Variants in ARHGEF38 observed in about 807,000 individuals in gnomAD.
ARHGEF38 encodes the protein Rho guanine nucleotide exchange factor (GEF) 38.
ARHGEF38 carries 79 observed loss-of-function variants against 79.9 expected under a neutral mutation model. That is an observed-to-expected ratio of 0.99 (90% CI 0.82 to 1.19). The LOEUF (loss-of-function observed/expected upper bound fraction) is 1.19. ARHGEF38 is among the 50% of genes most tolerant of loss of function. ARHGEF38 has a pLI of 0.00. For synonymous variants in ARHGEF38, 366 were observed against 328.3 expected (o/e 1.11, Z -1.24); for missense variants, 962 against 907.2 (o/e 1.06, Z -0.78).
At chr4:105,587,082 G>A (rs749861126) in intron 1 of ARHGEF38, among the ~76,000 whole-genome samples, 105 of 152,120 alleles carry the variant, frequency 6.9e-4, no homozygotes, top group Non-Finnish European at 1.2e-3. Context: ...GTAATGACAC[G>A]TGATTGTAAC....
chr4:105,554,651 G>C (rs1178894362), intron 1 of ARHGEF38, among the ~76,000 whole-genome samples: 2 of 152,082 alleles, frequency 1.3e-5, no homozygotes. Flanking sequence ...ATTAGAACTT[G>C]AGCAAATTAC....
At position 105,679,731 on chromosome 4, in the gene ARHGEF38, ATG is replaced by A. The variant is rs1228482743; in HGVS notation, c.*1796_*1797del. On this transcript the variant is annotated 3_prime_UTR_variant, in exon 14 of 14. Coordinates refer to ENST00000420470, the MANE Select transcript of ARHGEF38 (RefSeq NM_001242729.2). ...AAGTAATTTGTGTTTTTTGTTCCAC[ATG>A]TCTTAGTTGACCTTTCTCTTGGTTG... is the stretch of plus-strand genomic sequence containing the variant. The A allele has an allele frequency of 8.5e-6, 7 of 822,242 alleles. No homozygotes were observed. The highest frequency in any genetic ancestry group is 1.8e-5 in the Admixed American group (1 of 56,094). 50.9% of individuals were successfully genotyped at this position (822,242 alleles called of 1,614,324 possible).
intron 5 of ARHGEF38, 54 bp from the exon 6 acceptor site, chr4:105,645,134 A>T: frequency 8.5e-7 from 1 of 1,175,988 alleles, no homozygotes; most frequent in Non-Finnish European, 1.1e-6. Context: ...AAAAATGAAA[A>T]TGTGTTAATA....
At chr4:105,590,936 AT>A (rs2110460222) in intron 2 of ARHGEF38, among the ~76,000 whole-genome samples, 1 of 151,988 alleles carries the variant, frequency 6.6e-6, no homozygotes, top group Admixed American at 6.5e-5. Context: ...ATGGTTTAAT[AT>A]TTTTCTTATT....
chr4:105,675,704 A>G (rs926574133), intron 13 of ARHGEF38, among the ~76,000 whole-genome samples: 3 of 152,138 alleles, frequency 2.0e-5, no homozygotes, highest in Admixed American at 6.5e-5. Context: ...ACAGAAATTT[A>G]TTTCTCACAG....
intron 9 of ARHGEF38, among the ~76,000 whole-genome samples, chr4:105,657,969 A>G (rs1730405883): frequency 6.6e-6 from 1 of 152,206 alleles, no homozygotes; most frequent in Non-Finnish European, 1.5e-5. Flanking sequence ...CATATATGAT[A>G]AAGGGTAAAG....
At chr4:105,624,944 C>G (rs1728881840) in intron 3 of ARHGEF38, among the ~76,000 whole-genome samples, 1 of 152,218 alleles carries the variant, frequency 6.6e-6, no homozygotes, top group Admixed American at 6.5e-5. Flanking sequence ...CTCAGACCTT[C>G]TTTCCAGAGA....
At chr4:105,669,438 T>A (rs1207937202) in intron 13 of ARHGEF38, among the ~76,000 whole-genome samples, 1 of 152,208 alleles carries the variant, frequency 6.6e-6, no homozygotes, top group Non-Finnish European at 1.5e-5. Flanking sequence ...TAAAACAAAT[T>A]CCTAAAATAT....
chr4:105,583,053 T>G (rs1726872840), intron 1 of ARHGEF38, among the ~76,000 whole-genome samples: 3 of 152,196 alleles, frequency 2.0e-5, no homozygotes, highest in Admixed American at 1.3e-4. Context: ...TGTTGTTTTT[T>G]GAATACAGTT....
chr4:105,642,449 A>G (rs1033236277), intron 5 of ARHGEF38, among the ~76,000 whole-genome samples: 48 of 152,326 alleles, frequency 3.2e-4, no homozygotes, highest in African/African-American at 1.1e-3. Flanking sequence ...CTTTAATCCC[A>G]AAGAGTGATG....
intron 2 of ARHGEF38, among the ~76,000 whole-genome samples, chr4:105,591,744 G>C (rs76698505): frequency 6.6e-6 from 1 of 152,088 alleles, no homozygotes; most frequent in Non-Finnish European, 1.5e-5. Context: ...TCTTGCTCCA[G>C]GCACTTCATT....
chr4:105,557,598 TAAAA>T (rs61065334), intron 1 of ARHGEF38, among the ~76,000 whole-genome samples: 4 of 137,094 alleles, frequency 2.9e-5, no homozygotes, highest in African/African-American at 5.5e-5. Context: ...TAGTGACCCT[TAAAA>T]AAAAAAAAAA....
chr4:105,648,785 T>A, intron 7 of ARHGEF38, 103 bp downstream of exon 7: 1 of 1,197,900 alleles, frequency 8.3e-7, no homozygotes, highest in Non-Finnish European at 1.1e-6. Flanking sequence ...ATACTGAGAA[T>A]CAAGGTAATT....
At chr4:105,667,020 AT>A (rs2110576920) in intron 11 of ARHGEF38, 108 bp from the exon 12 acceptor site, 1 of 937,888 alleles carries the variant, frequency 1.1e-6, no homozygotes, top group Non-Finnish European at 1.5e-6. Context: ...TCCTCTAAAA[AT>A]ATATGACTCC....
Position 105,680,223 on chromosome 4 carries a change from C to T in ARHGEF38, c.*2286C>T, listed in dbSNP as rs1393552478. The T allele has an allele frequency of 1.1e-5, 5 of 443,994 alleles. No homozygotes were observed. Among genetic ancestry groups the T allele is most frequent in the African/African-American group, 8.0e-5 (4 of 49,706 alleles). The allele number at this position is 443,994 out of a possible 1,614,324, so 27.5% of individuals were successfully genotyped here. ...TTTCCCTTTTCTTTTCCTTAAGTCA[C>T]TAAAATCTGTAGTTATATAATCTTA... On this transcript the variant is annotated 3_prime_UTR_variant, in exon 14 of 14. Coordinates refer to ENST00000420470, the MANE Select transcript of ARHGEF38 (RefSeq NM_001242729.2).
intron 1 of ARHGEF38, among the ~76,000 whole-genome samples, chr4:105,560,309 C>A (rs1725453237): frequency 6.6e-6 from 1 of 152,280 alleles, no homozygotes; most frequent in Admixed American, 6.5e-5. Context: ...GCTTAATGAT[C>A]TCCATTTCCT....
chr4:105,645,177 C>A lies in ARHGEF38; in HGVS notation c.675-11C>A. The A allele has an allele frequency of 7.1e-7, 1 of 1,415,708 alleles. No individual in the cohort carries two copies. The highest frequency in any genetic ancestry group is 9.2e-7 in the Non-Finnish European group (1 of 1,084,834). 87.7% of individuals were successfully genotyped at this position (1,415,708 alleles called of 1,614,324 possible). ...TGTTTGTGAAACTGATATTATTTAT[C>A]TGTATTGTAGAGGCAAACCAAACTT... On this transcript the variant is annotated splice_polypyrimidine_tract_variant and intron_variant, in intron 5 of 13. Transcript: ENST00000420470.
intron 5 of ARHGEF38, among the ~76,000 whole-genome samples, chr4:105,644,755 C>T (rs933053508): frequency 6.6e-6 from 1 of 152,218 alleles, no homozygotes; most frequent in Non-Finnish European, 1.5e-5. Context: ...TTCCTTTTAA[C>T]TATACCTTTG....
At chr4:105,585,465 A>C (rs957225910) in intron 1 of ARHGEF38, among the ~76,000 whole-genome samples, 3 of 147,258 alleles carry the variant, frequency 2.0e-5, no homozygotes, top group African/African-American at 7.3e-5. Context: ...ATATATTATT[A>C]ATGAATTTTG....
Sources: gnomAD v4.1 joint callset for allele counts (sites outside exome capture counted in the v4.1 genomes callset) on GRCh38, gnomAD v4.1.1 for gene constraint, MANE v1.5 for transcripts, NCBI Gene and HGNC (gene_info 2026-07-23, HGNC 2026-07-21) for gene names.